The following NLGN2 variants were observed in gnomAD, a reference collection of about 807,000 sequenced individuals.
NLGN2 encodes neuroligin 2.
Under a neutral mutation model 48.6 loss-of-function variants are expected in NLGN2, and 11 were observed. That is an observed-to-expected ratio of 0.23 (90% confidence interval 0.14 to 0.37). NLGN2 has a LOEUF of 0.37. Among genes scored for constraint, NLGN2 ranks in the 10% least tolerant of loss-of-function variants. The probability of loss-of-function intolerance (pLI) is 1.00; values close to 1 mark genes in which losing one functional copy is unlikely to be tolerated. For missense variants in NLGN2, 801 were observed against 1,225.2 expected (o/e 0.65, Z 5.17); for synonymous variants, 548 against 550.0 (o/e 1.00, Z 0.05).
upstream of NLGN2, among the ~76,000 whole-genome samples, chr17:7,405,782 C>T (rs1344740418): frequency 1.3e-5 from 2 of 152,182 alleles, no homozygotes; most frequent in African/African-American, 2.4e-5. This position sits in a 1 kb window ranked among gnomAD's most constrained non-coding sequence, Gnocchi z 6.8. Context: ...CTCTGCCTCT[C>T]TCCAGTCCAT....
rs1229933516 is a variant in NLGN2, at chr17:7,416,922, A to C, written c.1635-4A>C. Reference sequence around the variant, plus strand: ...CTCCTTTCCCTGCCCTCCTGTGCCCACAGGGACCCCAACCAGCCGGTGCCG... The same window carrying C: ...CTCCTTTCCCTGCCCTCCTGTGCCCCCAGGGACCCCAACCAGCCGGTGCCG... On this transcript the variant is annotated splice_region_variant and splice_polypyrimidine_tract_variant and intron_variant, in intron 6 of 6. Transcript: ENST00000302926. The C allele has an allele frequency of 6.2e-7, 1 of 1,613,282 alleles. No individual in the cohort carries two copies.
intron 1 of NLGN2, among the ~76,000 whole-genome samples, chr17:7,409,717 C>T (rs1427284242): frequency 6.6e-6 from 1 of 152,138 alleles, no homozygotes; most frequent in East Asian, 1.9e-4. Context: ...GTACCCTGTA[C>T]ATACCCAGCA....
At position 7,411,067 on chromosome 17, in the gene NLGN2, G is replaced by A. The variant is rs1597708899; in HGVS notation, c.458-1090G>A. The stretch of plus-strand genomic sequence containing the variant: ...GCCTCGGGGAACCCCCAGGCCTCTG[G>A]GCTCCAGCTCGCCCCTGACCAACCC... On this transcript the variant is annotated intron_variant, in intron 1 of 6. Coordinates refer to ENST00000302926, the MANE Select transcript of NLGN2 (RefSeq NM_020795.4). This position sits in a 1 kb window ranked among gnomAD's most constrained non-coding sequence, Gnocchi z 4.5. Among the ~76,000 whole-genome samples, 1 of 152,328 alleles carries A rather than the reference G, an allele frequency of 6.6e-6. No individual in the cohort carries two copies. Among genetic ancestry groups the A allele is most frequent in the South Asian group, 2.1e-4 (1 of 4,832 alleles).
rs1177448262 is a variant in NLGN2, at chr17:7,415,655, T to C, written c.1182T>C (p.Ser394=). 3.1e-6 allele frequency: 5 copies of C among 1,614,116 alleles called. No individual in the cohort carries two copies. In the African/African-American group the frequency reaches 4.0e-5, roughly 13 times the overall value. The change falls in exon 6 of 7, where the codon TCT becomes TCC. Residue 394 remains serine, a synonymous_variant. Transcript: ENST00000302926. ...AGGGCCTCAAGTTCGTGGAGGACTC[T>C]GCAGAGAGCGAGGACGGTGTGTCTG... is the stretch of plus-strand genomic sequence containing the variant. ...QGEGLKFVED[S]AESEDGVSAS...
In NLGN2 at chr17:7,417,241, TCCCGAG is replaced by T. The variant is rs759117838; in HGVS notation, c.1967_1972del (p.Glu656_Pro657del). On this transcript the variant is annotated inframe_deletion, in exon 7 of 7. Transcript: ENST00000302926. ...GGCCCCCGCCGCCTGCCACCCTGCC[TCCCGAG>T]CCCGAGCCCGAGCCCGGCCCAAGGG... The T allele has an allele frequency of 5.4e-5, 83 of 1,540,814 alleles. 1 individual carries two copies. Among genetic ancestry groups the T allele is most frequent in the Middle Eastern group, 5.3e-4 (3 of 5,700 alleles).
At chr17:7,407,077 C>T (rs1363485629), upstream of NLGN2, among the ~76,000 whole-genome samples, 1 of 152,112 alleles carries the variant, frequency 6.6e-6, no homozygotes, top group Non-Finnish European at 1.5e-5. Flanking sequence ...TATACTTCTT[C>T]CTCTATGTTA....
chr17:7,412,254 C>T (rs1274428537), intron 2 of NLGN2, 47 bp downstream of exon 2: 7 of 1,443,406 alleles, frequency 4.8e-6, no homozygotes, highest in Non-Finnish European at 6.8e-6. Context: ...TATAAGAGGA[C>T]ATTCATGGCC....
Position 7,418,100 on chromosome 17 carries a change from G to A in NLGN2, c.*301G>A, listed in dbSNP as rs779459534. 8 of 223,478 alleles carry A rather than the reference G, an allele frequency of 3.6e-5. No individual in the cohort carries two copies. The highest frequency in any genetic ancestry group is 1.8e-4 in the South Asian group (1 of 5,554). 13.8% of individuals were successfully genotyped at this position (223,478 alleles called of 1,614,324 possible). On this transcript the variant is annotated 3_prime_UTR_variant, in exon 7 of 7. Coordinates refer to ENST00000302926, the MANE Select transcript of NLGN2 (RefSeq NM_020795.4). ...GCGTGGAGGTGTGCTTTCTCACAAC[G>A]GGGTGTGTTTTCCCATGTGCAGGGT... is the stretch of plus-strand genomic sequence containing the variant.
At chr17:7,406,377 AG>A (rs1250792246), upstream of NLGN2, among the ~76,000 whole-genome samples, 1 of 138,704 alleles carries the variant, frequency 7.2e-6, no homozygotes, top group Non-Finnish European at 1.6e-5. Context: ...TGTTGTGGGG[AG>A]GGGGAGGGGG....
upstream of NLGN2, among the ~76,000 whole-genome samples, chr17:7,404,685 G>A (rs1906535065): frequency 3.3e-5 from 5 of 151,888 alleles, no homozygotes; most frequent in South Asian, 1.0e-3. Context: ...TGGGAGATCC[G>A]GGGGAATGTC....
intron 2 of NLGN2, among the ~76,000 whole-genome samples, 155 bp downstream of exon 2, chr17:7,412,362 G>GA (rs1203809720): frequency 1.3e-5 from 2 of 151,938 alleles, no homozygotes; most frequent in African/African-American, 4.8e-5. Flanking sequence ...TTAATAATTG[G>GA]AAAAAAGAAT....
intron 6 of NLGN2, 132 bp from the exon 7 acceptor site, chr17:7,416,794 T>C (rs1239861294): frequency 2.7e-6 from 3 of 1,132,058 alleles, no homozygotes; most frequent in Non-Finnish European, 3.9e-6. Context: ...TCTGCCTCTG[T>C]GACTTTTTCT....
rs79782044 is a variant in NLGN2 at position 7,413,947 on chromosome 17, C to T, written c.509-397C>T. Among the ~76,000 whole-genome samples, 524 of 152,246 alleles carry T rather than the reference C, an allele frequency of 3.4e-3. 10 individuals are homozygous for T. Among genetic ancestry groups the T allele is most frequent in the East Asian group, 0.029 (151 of 5,164 alleles). ...GTCGGAGGAGACACCAGGACCCTCCCAGCAGCTCCAGCTCCAGTTCTAGCC... is the reference window on the plus strand; with the variant it reads ...GTCGGAGGAGACACCAGGACCCTCCTAGCAGCTCCAGCTCCAGTTCTAGCC... On this transcript the variant is annotated intron_variant, in intron 2 of 6. Coordinates refer to ENST00000302926, the MANE Select transcript of NLGN2 (RefSeq NM_020795.4). The surrounding 1 kb of genome is among the most constrained non-coding windows in gnomAD (Gnocchi z 4.9).
Position 7,417,627 on chromosome 17 carries a change from A to G in NLGN2, c.2336A>G (p.Asp779Gly). 7.1e-7 allele frequency: 1 copy of G among 1,415,418 alleles called. No individual in the cohort carries two copies. Among genetic ancestry groups the G allele is most frequent in the Non-Finnish European group, 9.1e-7 (1 of 1,094,418 alleles). 87.7% of individuals were successfully genotyped at this position (1,415,418 alleles called of 1,614,324 possible). A position where few individuals can be genotyped will look rare whatever the true frequency, so the allele number is the denominator to read the frequency against. Reference sequence around the variant, plus strand: ...CTGGCCCTGCGCCGGGCACCGGACGATGTGCCTCTCTTGGCCCCCGGGGCC... The same window carrying G: ...CTGGCCCTGCGCCGGGCACCGGACGGTGTGCCTCTCTTGGCCCCCGGGGCC... ...YTLALRRAPDDVPLLAPGALT... is the reference protein window; with the variant it reads ...YTLALRRAPDGVPLLAPGALT... The change falls in exon 7 of 7, where the codon GAT (aspartate) becomes GGT (glycine). Residue 779 changes from aspartate (D) to glycine (G), a missense_variant. Asp to Gly is a moderately conservative substitution (Grantham distance 94). Around this residue, in one of 5 missense-constraint regions of NLGN2, gnomAD observed 276 missense variants for 313.9 expected, o/e 0.88. Transcript: ENST00000302926.
chr17:7,414,324 G>GCCCCCCCCCC lies in NLGN2; in HGVS notation c.509-17_509-16insCCCCCCCCCC. ...TTGTCCCTGACCCCCTGGCCCACCT[G>GCCCCCCCCCC]CCCACCCCTCCCCACACAGATATCC... On this transcript the variant is annotated intron_variant, in intron 2 of 6. Coordinates refer to ENST00000302926, the MANE Select transcript of NLGN2 (RefSeq NM_020795.4). The GCCCCCCCCCC allele has an allele frequency of 7.0e-7, 1 of 1,434,892 alleles. No individual in the cohort carries two copies. Among genetic ancestry groups the GCCCCCCCCCC allele is most frequent in the Non-Finnish European group, 9.2e-7 (1 of 1,087,956 alleles). The allele number at this position is 1,434,892 out of a possible 1,614,324, so 88.9% of individuals were successfully genotyped here. A position where few individuals can be genotyped will look rare whatever the true frequency, so the allele number is the denominator to read the frequency against.
chr17:7,416,010 G>A lies in NLGN2; in HGVS notation c.1537G>A (p.Val513Met). 6.2e-7 allele frequency: 1 copy of A among 1,614,156 alleles called. No homozygotes were observed. The highest frequency in any genetic ancestry group is 8.5e-7 in the Non-Finnish European group (1 of 1,180,044). Residue 513 changes from valine to methionine, a missense_variant, in exon 6 of 7, where the codon GTG (valine) becomes ATG (methionine). Physicochemically the swap from Val to Met is conservative, Grantham distance 21. Around this residue, in one of 5 missense-constraint regions of NLGN2, gnomAD observed 303 missense variants for 600.1 expected, o/e 0.50. Transcript: ENST00000302926. Reference sequence around the variant, plus strand: ...GCCCTATGTCTTTGGCGTGCCCATGGTGGGTGCCACCGACCTCTTCCCCTG... The same window carrying A: ...GCCCTATGTCTTTGGCGTGCCCATGATGGGTGCCACCGACCTCTTCCCCTG... ...ELPYVFGVPMVGATDLFPCNF... is the reference protein window; with the variant it reads ...ELPYVFGVPMMGATDLFPCNF...
At position 7,408,373 on chromosome 17, in the gene NLGN2, C is replaced by G; in HGVS notation, c.118C>G (p.Arg40Gly). ...GLGLGSLGEE[R>G]FPVVNTAYGR... ...GGGCCTCGGCAGCCTCGGCGAGGAG[C>G]GCTTCCCGGTGGTGAACACGGCCTA... The change falls in exon 1 of 7, where the codon CGC becomes GGC. Residue 40 changes from arginine (R) to glycine (G), a missense_variant. Arg to Gly is a moderately radical substitution (Grantham distance 125). Around this residue, in one of 5 missense-constraint regions of NLGN2, gnomAD observed 164 missense variants for 186.2 expected, o/e 0.88. Transcript: ENST00000302926. The surrounding 1 kb of genome is among the most constrained non-coding windows in gnomAD (Gnocchi z 7.5). The G allele has an allele frequency of 6.6e-7, 1 of 1,511,894 alleles. No individual in the cohort carries two copies. The highest frequency in any genetic ancestry group is 8.8e-7 in the Non-Finnish European group (1 of 1,134,370). 93.7% of individuals were successfully genotyped at this position (1,511,894 alleles called of 1,614,324 possible).
rs1301401032 is a variant in NLGN2 at position 7,415,781 on chromosome 17, A to G, written c.1308A>G (p.Thr436=). Residue 436 remains threonine, a synonymous_variant, in exon 6 of 7, where the codon ACA becomes ACG. Coordinates refer to ENST00000302926, the MANE Select transcript of NLGN2 (RefSeq NM_020795.4). ...VLRETIKFMY[T]DWADRDNGEM... is the part of the protein sequence containing the mutation. ...GGGAGACCATCAAGTTTATGTACAC[A>G]GACTGGGCCGACCGGGACAATGGCG... The G allele has an allele frequency of 1.5e-5, 25 of 1,614,222 alleles. No individual in the cohort carries two copies. Among genetic ancestry groups the G allele is most frequent in the Non-Finnish European group, 1.8e-5 (21 of 1,180,052 alleles).
chr17:7,405,835 TCTCCCC>T (rs1567658035), upstream of NLGN2, among the ~76,000 whole-genome samples: 1 of 151,238 alleles, frequency 6.6e-6, no homozygotes, highest in Non-Finnish European at 1.5e-5. The surrounding 1 kb of genome is among the most constrained non-coding windows in gnomAD (Gnocchi z 6.8). Context: ...TGTGTTCCCA[TCTCCCC>T]CTCCCCCTCC....
Sources: gnomAD v4.1 joint callset for allele counts (sites outside exome capture counted in the v4.1 genomes callset) on GRCh38, gnomAD v4.1.1 for gene constraint, gnomAD v4.1.1 regional missense constraint, Gnocchi (gnomAD v3.1) non-coding constraint, MANE v1.5 for transcripts, NCBI Gene and HGNC (gene_info 2026-07-23, HGNC 2026-07-21) for gene names.